The following KCNH1 variants were observed in gnomAD, a reference collection of about 807,000 sequenced individuals.
KCNH1 encodes the protein potassium voltage-gated channel subfamily H member 1.
Under a neutral mutation model 69.2 loss-of-function variants are expected in KCNH1, and 27 were observed. The observed-to-expected ratio is 0.39, with a 90% confidence interval of 0.29 to 0.54. The LOEUF (loss-of-function observed/expected upper bound fraction) is 0.54, where lower values mean the gene tolerates loss of function less well. KCNH1 is among the 20% of genes least tolerant of loss of function. KCNH1 has a pLI of 0.68. For synonymous variants in KCNH1, 456 were observed against 487.7 expected (o/e 0.93, Z 0.86); for missense variants, 798 against 1,261.6 (o/e 0.63, Z 5.57).
At chr1:210,988,656 G>A (rs933476806) in intron 6 of KCNH1, among the ~76,000 whole-genome samples, 2 of 152,108 alleles carry the variant, frequency 1.3e-5, no homozygotes, top group African/African-American at 4.8e-5. Context: ...ACTAACTTGG[G>A]GAACCAGAAT....
intron 5 of KCNH1, among the ~76,000 whole-genome samples, chr1:211,036,382 T>G (rs1689898608): frequency 6.6e-6 from 1 of 152,100 alleles, no homozygotes; most frequent in African/African-American, 2.4e-5. Context: ...CTTTCTTAAG[T>G]TTTAAGACTG....
intron 10 of KCNH1, among the ~76,000 whole-genome samples, chr1:210,733,537 T>C (rs1403849388): frequency 6.6e-6 from 1 of 152,236 alleles, no homozygotes; most frequent in Non-Finnish European, 1.5e-5. Context: ...TGTTTTCATC[T>C]GAGCAAATTC....
chr1:210,767,102 C>T (rs1460314895), intron 10 of KCNH1, among the ~76,000 whole-genome samples: 1 of 152,102 alleles, frequency 6.6e-6, no homozygotes, highest in Admixed American at 6.5e-5. Flanking sequence ...AAAGGAAGTC[C>T]AAAAAACTTG....
chr1:210,965,127 A>G (rs1411366996), intron 6 of KCNH1, among the ~76,000 whole-genome samples: 3 of 152,196 alleles, frequency 2.0e-5, no homozygotes, highest in Non-Finnish European at 4.4e-5. Flanking sequence ...TTTATGACAA[A>G]CCCACATTTA....
chr1:210,767,061 T>A (rs1024587469), intron 10 of KCNH1, among the ~76,000 whole-genome samples: 1 of 152,208 alleles, frequency 6.6e-6, no homozygotes, highest in African/African-American at 2.4e-5. Context: ...CAGAGCACAT[T>A]TTTAAGAGTA....
intron 7 of KCNH1, among the ~76,000 whole-genome samples, chr1:210,879,599 G>A (rs1172388691): frequency 6.6e-6 from 1 of 151,936 alleles, no homozygotes; most frequent in East Asian, 1.9e-4. Context: ...GAATACAGGG[G>A]AACCTCCTCA....
chr1:210,820,490 C>T (rs1324372789), intron 7 of KCNH1, among the ~76,000 whole-genome samples: 5 of 151,928 alleles, frequency 3.3e-5, no homozygotes, highest in Admixed American at 2.6e-4. Context: ...AAAAATTAGC[C>T]AGGCATGGTG....
intron 7 of KCNH1, chr1:210,862,273 T>C: frequency 2.0e-6 from 2 of 975,916 alleles, no homozygotes; most frequent in South Asian, 2.6e-5. Context: ...GATAATGGTG[T>C]TGGGGTCCAT....
At chr1:210,901,024 G>A (rs1270587302) in intron 7 of KCNH1, among the ~76,000 whole-genome samples, 1 of 152,004 alleles carries the variant, frequency 6.6e-6, no homozygotes, top group East Asian at 1.9e-4. Context: ...GATGCTACAT[G>A]CCAACGGCTT....
At chr1:210,917,225 G>GAAAGAA (rs771690002) in intron 7 of KCNH1, among the ~76,000 whole-genome samples, 2,376 of 80,208 alleles carry the variant, frequency 0.03, 46 homozygotes, top group East Asian at 0.038. Context: ...GAGAGAGAGA[G>GAAAGAA]AGAGAGAAAG....
chr1:211,086,676 T>G (rs1290199194), intron 4 of KCNH1, among the ~76,000 whole-genome samples: 2 of 152,164 alleles, frequency 1.3e-5, no homozygotes, highest in South Asian at 2.1e-4. Flanking sequence ...CAATGGCTGG[T>G]GGGTGTCAAC....
chr1:210,758,528 GTGGAACCCCCTCCCC>G (rs1683446191), intron 10 of KCNH1, among the ~76,000 whole-genome samples: 1 of 152,134 alleles, frequency 6.6e-6, no homozygotes, highest in Non-Finnish European at 1.5e-5. Context: ...CAAGAGAGAG[GTGGAACCCCCTCCCC>G]TGGAGATCTA....
At chr1:210,709,742 A>AAGAGAGAG (rs35326611) in intron 10 of KCNH1, among the ~76,000 whole-genome samples, 2 of 144,942 alleles carry the variant, frequency 1.4e-5, no homozygotes, top group Admixed American at 6.8e-5. Flanking sequence ...GAGAGAGAGA[A>AAGAGAGAG]AGAGAGAGAG....
chr1:210,902,068 A>C (rs1473701544), intron 7 of KCNH1, among the ~76,000 whole-genome samples: 1 of 152,180 alleles, frequency 6.6e-6, no homozygotes, highest in Admixed American at 6.5e-5. Context: ...CCCCAGGAAG[A>C]CCAGGATGAA....
At chr1:211,006,533 G>A (rs1419161880) in intron 6 of KCNH1, among the ~76,000 whole-genome samples, 1 of 152,110 alleles carries the variant, frequency 6.6e-6, no homozygotes, top group Non-Finnish European at 1.5e-5. Flanking sequence ...AAGTTGCTCT[G>A]GGGGAGGAGC....
At chr1:210,855,043 C>T (rs1685801824) in intron 7 of KCNH1, among the ~76,000 whole-genome samples, 2 of 152,158 alleles carry the variant, frequency 1.3e-5, no homozygotes, top group Admixed American at 1.3e-4. Flanking sequence ...CCTAATATCA[C>T]CTGCATACAA....
chr1:210,855,468 G>A (rs924470084), intron 7 of KCNH1, among the ~76,000 whole-genome samples: 3 of 152,212 alleles, frequency 2.0e-5, no homozygotes, highest in Admixed American at 1.3e-4. Context: ...GACCACCTGA[G>A]GAGAAGAGAG....
intron 6 of KCNH1, among the ~76,000 whole-genome samples, chr1:210,936,031 G>T (rs544933488): frequency 1.3e-5 from 2 of 152,226 alleles, no homozygotes; most frequent in East Asian, 3.9e-4. Context: ...TATTTTTTCT[G>T]CCATAGACAG....
intron 7 of KCNH1, among the ~76,000 whole-genome samples, chr1:210,804,427 C>T (rs182168160): frequency 1.9e-4 from 29 of 152,216 alleles, no homozygotes; most frequent in Admixed American, 3.3e-4. Flanking sequence ...CTGGCATGGC[C>T]GGGGCCAGAA....
Sources: gnomAD v4.1 joint callset for allele counts (sites outside exome capture counted in the v4.1 genomes callset) on GRCh38, gnomAD v4.1.1 for gene constraint, MANE v1.5 for transcripts, NCBI Gene and HGNC (gene_info 2026-07-23, HGNC 2026-07-21) for gene names.